Variants in TMEM209 observed in about 807,000 individuals in gnomAD.
TMEM209 encodes the protein transmembrane protein 209, also known as testicular tissue protein Li 202.
Under a neutral mutation model 76.2 loss-of-function variants are expected in TMEM209, and 65 were observed. The ratio of observed to expected loss-of-function variants is 0.85; its 90% CI spans 0.70 to 1.05. The LOEUF (loss-of-function observed/expected upper bound fraction) is 1.05. Among genes scored for constraint, TMEM209 ranks in the 50% least tolerant of loss-of-function variants. The pLI, the probability that TMEM209 is intolerant of heterozygous loss-of-function variation, is 0.00. For synonymous variants in TMEM209, 239 were observed against 237.6 expected, an observed-to-expected ratio of 1.01 and a Z score of -0.06; for missense variants, 623 against 685.5, an observed-to-expected ratio of 0.91 and a Z score of 1.02.
chr7:130,202,480 A>G lies in TMEM209; in HGVS notation c.331+52T>C, dbSNP rs79793642. On this transcript the variant is annotated intron_variant, in intron 4 of 14. Transcript: ENST00000397622. ...CGAAATGGGAAAATTAAACTGAGAA[A>G]GATTTATTGCCAACCTTTTCCCCAC... 6.5e-4 allele frequency: 1,014 copies of G among 1,554,690 alleles called. 10 individuals are homozygous for G. The African/African-American group carries it at 0.011, about 17-fold the overall frequency.
rs189830907 is a variant in TMEM209 at position 130,181,393 on chromosome 7, G to A, written c.1120+230C>T. ...ATGCTTTAAAACTGACTATGGTGAT[G>A]GTTGCATAACCCAAGACTTTGGACT... On this transcript the variant is annotated intron_variant, in intron 9 of 14. Coordinates refer to ENST00000397622, the MANE Select transcript of TMEM209 (RefSeq NM_032842.4). Among the ~76,000 whole-genome samples the A allele has an allele frequency of 2.0e-5, 3 of 152,290 alleles. No individual in the cohort carries two copies. In the East Asian group the frequency reaches 5.8e-4, roughly 29 times the overall value.
intron 6 of TMEM209, 105 bp from the exon 7 acceptor site, chr7:130,185,472 C>G (rs147015898): frequency 5.3e-6 from 5 of 943,160 alleles, no homozygotes; most frequent in African/African-American, 3.3e-5. Context: ...GAAGACCAAC[C>G]CTCAAGGAGA....
chr7:130,187,468 A>G (rs142216955), intron 6 of TMEM209, among the ~76,000 whole-genome samples: 237 of 152,094 alleles, frequency 1.6e-3, no homozygotes, highest in Non-Finnish European at 3.0e-3. Context: ...GGAAACGGAG[A>G]TAAGGATTTG....
intron 14 of TMEM209, among the ~76,000 whole-genome samples, chr7:130,167,813 T>C (rs1444562695): frequency 6.6e-6 from 1 of 152,198 alleles, no homozygotes; most frequent in Non-Finnish European, 1.5e-5. Context: ...CCAAATGGAC[T>C]ATATTTGAGC....
intron 8 of TMEM209, among the ~76,000 whole-genome samples, chr7:130,183,738 T>C (rs889876376): frequency 2.0e-5 from 3 of 152,064 alleles, no homozygotes; most frequent in Non-Finnish European, 4.4e-5. Context: ...GATTAGAGGG[T>C]TCTTCTCTAG....
intron 13 of TMEM209, among the ~76,000 whole-genome samples, chr7:130,173,123 TAAAG>T (rs1797127509): frequency 6.7e-6 from 1 of 150,062 alleles, no homozygotes; most frequent in South Asian, 2.1e-4. Flanking sequence ...ATAAAAAATA[TAAAG>T]AAAGGGCCAG....
chr7:130,180,663 C>T (rs577665757), intron 9 of TMEM209, among the ~76,000 whole-genome samples: 2 of 152,026 alleles, frequency 1.3e-5, no homozygotes, highest in African/African-American at 4.8e-5. Flanking sequence ...GCCACCGCGC[C>T]CGGCCAAAAA....
intron 14 of TMEM209, among the ~76,000 whole-genome samples, chr7:130,169,954 T>A (rs1452626818): frequency 1.3e-5 from 2 of 152,206 alleles, no homozygotes; most frequent in Admixed American, 1.3e-4. Context: ...TTACCAAGTA[T>A]GTAAACGATT....
chr7:130,174,802 T>A (rs1389523197), intron 11 of TMEM209, among the ~76,000 whole-genome samples: 1 of 152,190 alleles, frequency 6.6e-6, no homozygotes, highest in Non-Finnish European at 1.5e-5. Context: ...TAAAAATTCC[T>A]TCTCCACCAC....
chr7:130,205,212 C>T (rs1798403948), intron 1 of TMEM209, 161 bp downstream of exon 1: 4 of 1,570,614 alleles, frequency 2.5e-6, no homozygotes, highest in Admixed American at 1.8e-5. Context: ...TGGGCACGAA[C>T]TTCAGCAACC....
At chr7:130,203,616 CTTTCA>C (rs1276621052) in intron 3 of TMEM209, among the ~76,000 whole-genome samples, 167 bp downstream of exon 3, 1 of 152,150 alleles carries the variant, frequency 6.6e-6, no homozygotes, top group Admixed American at 6.5e-5. Context: ...CAGAATGTTC[CTTTCA>C]TAATAGCAGG....
rs1416374495 is a variant in TMEM209 at position 130,192,695 on chromosome 7, GTCT to G, written c.699_701del (p.Glu233del). On this transcript the variant is annotated inframe_deletion, in exon 6 of 15. Transcript: ENST00000397622. ...CCAAAGTTCGTAGGTCGGTCATGTA[GTCT>G]TCTTTGTCAGTAGGTGAGTTGTAGA... 4 of 1,613,692 alleles carry G rather than the reference GTCT, an allele frequency of 2.5e-6. No individual in the cohort carries two copies. In the African/African-American group the frequency reaches 4.0e-5, roughly 16 times the overall value.
chr7:130,201,963 A>G lies in TMEM209; in HGVS notation c.460T>C (p.Phe154Leu). The G allele has an allele frequency of 6.2e-7, 1 of 1,613,906 alleles. No homozygotes were observed. The change falls in exon 5 of 15, where the codon TTC becomes CTC. Residue 154 changes from phenylalanine to leucine, a missense_variant. By Grantham distance (22) the Phe-to-Leu change is conservative. Transcript: ENST00000397622. ...TAACCAGTCATACAGCTGGTGGTGA[A>G]CTTGGGACTGGTACTGGGCGAACGA... ...PSRSPSTSPK[F>L]TTSCMTGYSP...
chr7:130,199,811 G>C (rs1584696476), intron 5 of TMEM209: 1 of 152,224 alleles, frequency 6.6e-6, no homozygotes, highest in East Asian at 1.9e-4. Context: ...AAATGCAATA[G>C]TATTTAACAT....
chr7:130,176,799 T>C (rs142956684), intron 10 of TMEM209, among the ~76,000 whole-genome samples: 1 of 152,192 alleles, frequency 6.6e-6, no homozygotes, highest in Non-Finnish European at 1.5e-5. Flanking sequence ...GCCAAAAAAT[T>C]ATGCATTTTT....
At chr7:130,167,688 T>C (rs1210297208) in intron 14 of TMEM209, among the ~76,000 whole-genome samples, 1 of 152,160 alleles carries the variant, frequency 6.6e-6, no homozygotes, top group African/African-American at 2.4e-5. Flanking sequence ...CAAGTCTGTC[T>C]AGATTTTTTT....
intron 13 of TMEM209, 82 bp from the exon 14 acceptor site, chr7:130,170,555 C>A: frequency 1.9e-6 from 2 of 1,047,186 alleles, no homozygotes; most frequent in South Asian, 1.4e-5. Context: ...CTTATCAATT[C>A]ATATCCTACT....
chr7:130,186,147 T>C (rs1797591786), intron 6 of TMEM209, among the ~76,000 whole-genome samples: 2 of 152,200 alleles, frequency 1.3e-5, no homozygotes. Context: ...GCTTATATTT[T>C]CGGAGTTTAA....
intron 10 of TMEM209, among the ~76,000 whole-genome samples, chr7:130,176,033 A>G (rs1329233153): frequency 6.6e-6 from 1 of 152,174 alleles, no homozygotes; most frequent in Non-Finnish European, 1.5e-5. Context: ...GTGTGTGTGT[A>G]TATATATGTG....
Sources: gnomAD v4.1 joint callset for allele counts (sites outside exome capture counted in the v4.1 genomes callset) on GRCh38, gnomAD v4.1.1 for gene constraint, MANE v1.5 for transcripts, NCBI Gene and HGNC (gene_info 2026-07-23, HGNC 2026-07-21) for gene names.